The following RGS12 variants were observed in gnomAD, a reference collection of about 807,000 sequenced individuals.
RGS12 encodes regulator of G protein signaling 12.
Under a neutral mutation model 120.1 loss-of-function variants are expected in RGS12, and 66 were observed. That is an observed-to-expected ratio of 0.55 (90% CI 0.45 to 0.67). The LOEUF (loss-of-function observed/expected upper bound fraction) is 0.67, where lower values mean the gene tolerates loss of function less well. Among genes scored for constraint, RGS12 ranks in the 30% least tolerant of loss-of-function variants. RGS12 has a pLI of 0.00. For missense variants in RGS12, 1,859 were observed against 1,957.7 expected, an observed-to-expected ratio of 0.95 and a Z score of 0.95; for synonymous variants, 827 against 804.7, an observed-to-expected ratio of 1.03 and a Z score of -0.47.
chr4:3,399,604 G>GA (rs1720379700), intron 4 of RGS12, among the ~76,000 whole-genome samples: 1 of 152,178 alleles, frequency 6.6e-6, no homozygotes, highest in African/African-American at 2.4e-5. Flanking sequence ...CAATCTTTAG[G>GA]AAAATATAAA....
In RGS12 at chr4:3,408,598, C is replaced by T. The variant is rs747644625; in HGVS notation, c.2021-5474C>T. ...GTGTGTTGCTGGAGATTCCACTGTC[C>T]TTTGCGAATCGCTGGACTCAGTGCC... On this transcript the variant is annotated intron_variant, in intron 4 of 17. Coordinates refer to ENST00000336727, the MANE Select transcript of RGS12 (RefSeq NM_001394154.1). Among the ~76,000 whole-genome samples, 7 of 152,212 alleles carry T rather than the reference C, an allele frequency of 4.6e-5. No homozygotes were observed. In the South Asian group the frequency reaches 6.2e-4, roughly 14 times the overall value.
intron 2 of RGS12, among the ~76,000 whole-genome samples, chr4:3,319,672 T>C (rs574892311): frequency 1.3e-5 from 2 of 152,376 alleles, no homozygotes; most frequent in South Asian, 4.1e-4. Context: ...CTTGAATTCC[T>C]GAGCTCAAGC....
rs994681954 is a variant in RGS12 at position 3,389,736 on chromosome 4, G to A, written c.2020+3299G>A. Reference sequence around the variant, plus strand: ...GCGCCCACCTCCTCCTGCGTACGGCGTCTGTGCCAGCAGGAAAGCCGGGGA... The same window carrying A: ...GCGCCCACCTCCTCCTGCGTACGGCATCTGTGCCAGCAGGAAAGCCGGGGA... On this transcript the variant is annotated intron_variant, in intron 4 of 17. Coordinates refer to ENST00000336727, the MANE Select transcript of RGS12 (RefSeq NM_001394154.1). This position sits in a 1 kb window ranked among gnomAD's most constrained non-coding sequence, Gnocchi z 5.2. Among the ~76,000 whole-genome samples, 16 of 152,182 alleles carry A rather than the reference G, an allele frequency of 1.1e-4. No individual in the cohort carries two copies. Among genetic ancestry groups the A allele is most frequent in the Non-Finnish European group, 1.0e-4 (7 of 68,024 alleles).
At chr4:3,315,988 T>C in intron 1 of RGS12, 82 bp from the exon 2 acceptor site, 1 of 517,554 alleles carries the variant, frequency 1.9e-6, no homozygotes, top group Non-Finnish European at 3.3e-6. Flanking sequence ...TTATGAATTA[T>C]CTTTTTGTGT....
At chr4:3,405,130 A>G (rs1436077056) in intron 4 of RGS12, among the ~76,000 whole-genome samples, 3 of 152,258 alleles carry the variant, frequency 2.0e-5, no homozygotes, top group African/African-American at 7.2e-5. Flanking sequence ...ATACAGCTGA[A>G]CAGTGCGTCA....
At chr4:3,288,464 A>C (rs28652612), upstream of RGS12, among the ~76,000 whole-genome samples, 1 of 151,936 alleles carries the variant, frequency 6.6e-6, no homozygotes, top group Non-Finnish European at 1.5e-5. The surrounding 1 kb of genome is among the most constrained non-coding windows in gnomAD (Gnocchi z 5.2). Flanking sequence ...TGGGGCCAGG[A>C]AAATACTCAC....
At chr4:3,293,600 G>T (rs981293078) in intron 1 of RGS12, among the ~76,000 whole-genome samples, 1 of 152,230 alleles carries the variant, frequency 6.6e-6, no homozygotes, top group Non-Finnish European at 1.5e-5. Context: ...CTCAGCCGCG[G>T]TGCCGCGATT....
intron 3 of RGS12, among the ~76,000 whole-genome samples, chr4:3,344,338 A>G (rs1165260624): frequency 2.0e-5 from 3 of 152,154 alleles, no homozygotes; most frequent in South Asian, 4.1e-4. Flanking sequence ...TGGGGTGCTC[A>G]TGCTGCTGAT....
chr4:3,422,886 T>C lies in RGS12; in HGVS notation c.3034-19T>C, dbSNP rs1239859507. 1.2e-6 allele frequency: 2 copies of C among 1,610,926 alleles called. No individual in the cohort carries two copies. Among genetic ancestry groups the C allele is most frequent in the Non-Finnish European group, 1.7e-6 (2 of 1,177,940 alleles). On this transcript the variant is annotated intron_variant, in intron 11 of 17. Coordinates refer to ENST00000336727, the MANE Select transcript of RGS12 (RefSeq NM_001394154.1). ...CTGCCTGCTGTGCCCACGTTGATTC[T>C]GGTCTCTCTGTTCCTCAGCCTCTGG...
At position 3,422,859 on chromosome 4, in the gene RGS12, G is replaced by A. The variant is rs1055282324; in HGVS notation, c.3034-46G>A. 2.6e-6 allele frequency: 4 copies of A among 1,546,690 alleles called. No individual in the cohort carries two copies. The African/African-American group carries it at 4.1e-5, about 16-fold the overall frequency. Reference sequence around the variant, plus strand: ...GGGGCACGTGGGTCTGCGTTTGGGGGGCTGCCTGCTGTGCCCACGTTGATT... The same window carrying A: ...GGGGCACGTGGGTCTGCGTTTGGGGAGCTGCCTGCTGTGCCCACGTTGATT... On this transcript the variant is annotated intron_variant, in intron 11 of 17. Transcript: ENST00000336727.
At chr4:3,295,421 G>A (rs1162966249) in intron 1 of RGS12, among the ~76,000 whole-genome samples, 1 of 152,148 alleles carries the variant, frequency 6.6e-6, no homozygotes, top group Non-Finnish European at 1.5e-5. Context: ...AGCACTTTGG[G>A]AGGCTGAGGC....
chr4:3,305,584 G>A (rs553744036), intron 1 of RGS12, among the ~76,000 whole-genome samples: 1 of 152,334 alleles, frequency 6.6e-6, no homozygotes, highest in South Asian at 2.1e-4. Flanking sequence ...ATCATGGCAA[G>A]CACCACAGGC....
intron 3 of RGS12, among the ~76,000 whole-genome samples, chr4:3,355,420 A>G (rs1279595789): frequency 1.3e-5 from 2 of 152,216 alleles, no homozygotes; most frequent in Non-Finnish European, 2.9e-5. Flanking sequence ...ACAAAAGTTT[A>G]AAAAGCTTGC....
chr4:3,380,114 T>C (rs912939777), intron 3 of RGS12, among the ~76,000 whole-genome samples: 6 of 152,244 alleles, frequency 3.9e-5, no homozygotes, highest in African/African-American at 1.4e-4. Flanking sequence ...TATATCCCCA[T>C]TCCAAATGGG....
chr4:3,380,765 A>G (rs1194195221), intron 3 of RGS12, among the ~76,000 whole-genome samples: 1 of 152,198 alleles, frequency 6.6e-6, no homozygotes, highest in African/African-American at 2.4e-5. Flanking sequence ...TGCATAGAGC[A>G]GGGAGGCCTT....
chr4:3,423,766 C>G (rs949004293), intron 13 of RGS12, 125 bp downstream of exon 13: 2 of 1,264,728 alleles, frequency 1.6e-6, no homozygotes, highest in African/African-American at 3.0e-5. Flanking sequence ...CTGGTTGTCC[C>G]CCTTGGAGGA....
chr4:3,320,157 G>GGTCACTT (rs1397999823), intron 2 of RGS12, among the ~76,000 whole-genome samples: 14 of 152,264 alleles, frequency 9.2e-5, no homozygotes, highest in Admixed American at 9.2e-4. Flanking sequence ...GACCTGGACA[G>GGTCACTT]TGGGGAGTAT....
In RGS12 at chr4:3,388,375, C is replaced by T. The variant is rs533159392; in HGVS notation, c.2020+1938C>T. Among the ~76,000 whole-genome samples, 3 of 152,344 alleles carry T rather than the reference C, an allele frequency of 2.0e-5. No homozygotes were observed. The South Asian group carries it at 6.2e-4, about 32-fold the overall frequency. On this transcript the variant is annotated intron_variant, in intron 4 of 17. Coordinates refer to ENST00000336727, the MANE Select transcript of RGS12 (RefSeq NM_001394154.1). ...TATTTTTCCATCTTCAGTTTCTTTGCTTATAAGAGTAAAAAGAGCCAGTTA... is the reference window on the plus strand; with the variant it reads ...TATTTTTCCATCTTCAGTTTCTTTGTTTATAAGAGTAAAAAGAGCCAGTTA...
intron 3 of RGS12, among the ~76,000 whole-genome samples, chr4:3,353,383 C>T (rs906277431): frequency 7.2e-5 from 11 of 152,202 alleles, no homozygotes; most frequent in Non-Finnish European, 1.0e-4. Flanking sequence ...ACATCTGGCA[C>T]AGCAGCTGTG....
Sources: allele counts gnomAD v4.1 joint callset (sites outside exome capture counted in the v4.1 genomes callset), GRCh38; gene constraint gnomAD v4.1.1; non-coding constraint Gnocchi (gnomAD v3.1); transcripts MANE v1.5; gene names NCBI Gene and HGNC (gene_info 2026-07-23, HGNC 2026-07-21).